The following ANKS1B variants were observed in gnomAD, a reference collection of about 807,000 sequenced individuals.
The protein encoded by ANKS1B is ankyrin repeat and sterile alpha motif domain-containing protein 1B.
Under a neutral mutation model 148.3 loss-of-function variants are expected in ANKS1B, and 36 were observed. That is an observed-to-expected ratio of 0.24 (90% CI 0.19 to 0.32). ANKS1B has a LOEUF of 0.32. ANKS1B is among the 10% of genes least tolerant of loss of function. ANKS1B has a pLI of 1.00. For synonymous variants in ANKS1B, 542 were observed against 560.8 expected, an observed-to-expected ratio of 0.97 and a Z score of 0.47; for missense variants, 1,157 against 1,542.6, an observed-to-expected ratio of 0.75 and a Z score of 4.19.
intron 8 of ANKS1B, among the ~76,000 whole-genome samples, chr12:99,684,306 A>G (rs536926176): frequency 6.6e-6 from 1 of 151,608 alleles, no homozygotes; most frequent in African/African-American, 2.4e-5. Context: ...TAGCACTGCT[A>G]TACACCAACA....
At chr12:99,383,773 G>GAGGC (rs2093739327) in intron 12 of ANKS1B, among the ~76,000 whole-genome samples, 1 of 150,408 alleles carries the variant, frequency 6.6e-6, no homozygotes, top group South Asian at 2.1e-4. Context: ...AGCACTTTGG[G>GAGGC]AGGCTGAGGC....
At chr12:99,955,549 TG>T (rs1365426425) in intron 1 of ANKS1B, among the ~76,000 whole-genome samples, 1 of 146,550 alleles carries the variant, frequency 6.8e-6, no homozygotes, top group Non-Finnish European at 1.5e-5. Flanking sequence ...TGTCTAACTT[TG>T]GAGTCTCAGC....
chr12:99,474,164 T>C (rs1012337280), intron 10 of ANKS1B, among the ~76,000 whole-genome samples: 3 of 152,086 alleles, frequency 2.0e-5, no homozygotes, highest in Non-Finnish European at 4.4e-5. Context: ...GATTAATCCA[T>C]ATATACTGTT....
chr12:99,824,749 A>G (rs2082956832), intron 2 of ANKS1B, among the ~76,000 whole-genome samples: 1 of 152,230 alleles, frequency 6.6e-6, no homozygotes, highest in Non-Finnish European at 1.5e-5. Context: ...TGCACTCTCC[A>G]TAACATATAC....
intron 17 of ANKS1B, among the ~76,000 whole-genome samples, chr12:99,008,668 T>C (rs370232368): frequency 1.4e-4 from 22 of 152,140 alleles, no homozygotes; most frequent in East Asian, 7.7e-4. Flanking sequence ...TTTAGGTAGA[T>C]ATGCTGAACT....
intron 25 of ANKS1B, among the ~76,000 whole-genome samples, chr12:98,765,478 A>G (rs7299294): frequency 0.72 from 109,761 of 151,592 alleles, 39,936 homozygotes; most frequent in Admixed American, 0.8. Context: ...TGGTCTGGCC[A>G]GTCTTGAACT....
chr12:99,116,157 T>C (rs1267621186), intron 15 of ANKS1B, among the ~76,000 whole-genome samples: 1 of 152,144 alleles, frequency 6.6e-6, no homozygotes, highest in East Asian at 1.9e-4. Context: ...ATCTGACACA[T>C]AGCAAGCACT....
At chr12:99,530,944 A>G (rs2096982602) in intron 9 of ANKS1B, among the ~76,000 whole-genome samples, 1 of 152,176 alleles carries the variant, frequency 6.6e-6, no homozygotes, top group South Asian at 2.1e-4. Context: ...CTCTCTTCCC[A>G]TATGCCTGAT....
chr12:99,578,314 C>T (rs2097538127), intron 9 of ANKS1B, among the ~76,000 whole-genome samples: 1 of 151,430 alleles, frequency 6.6e-6, no homozygotes, highest in East Asian at 1.9e-4. Context: ...ACTGCACACC[C>T]ACTAACCACT....
At chr12:99,148,902 A>T (rs2074056896) in intron 15 of ANKS1B, among the ~76,000 whole-genome samples, 1 of 152,084 alleles carries the variant, frequency 6.6e-6, no homozygotes. Flanking sequence ...TTAGAAAACT[A>T]TAGCTGTACT....
chr12:99,126,914 C>T (rs185046774), intron 15 of ANKS1B, among the ~76,000 whole-genome samples: 15 of 151,746 alleles, frequency 9.9e-5, no homozygotes, highest in African/African-American at 2.9e-4. Context: ...TACTGGTAAC[C>T]GATCAATTAA....
At chr12:99,808,027 G>A (rs566022945) in intron 3 of ANKS1B, among the ~76,000 whole-genome samples, 2 of 152,178 alleles carry the variant, frequency 1.3e-5, no homozygotes, top group South Asian at 2.1e-4. Flanking sequence ...TTTGCAAGCT[G>A]GATCTGACAA....
intron 1 of ANKS1B, among the ~76,000 whole-genome samples, chr12:99,871,876 T>C (rs1368612570): frequency 6.6e-6 from 1 of 152,172 alleles, no homozygotes; most frequent in Admixed American, 6.5e-5. Flanking sequence ...TTTGACTTCT[T>C]TTTTTCCTAT....
intron 1 of ANKS1B, among the ~76,000 whole-genome samples, chr12:99,827,365 GAAC>G (rs1192165661): frequency 6.6e-6 from 1 of 151,828 alleles, no homozygotes; most frequent in Non-Finnish European, 1.5e-5. Flanking sequence ...CAGAGATAGA[GAAC>G]AAAAGATTGG....
At chr12:99,532,338 G>GTTT (rs201016379) in intron 9 of ANKS1B, among the ~76,000 whole-genome samples, 2,837 of 152,082 alleles carry the variant, frequency 0.019, 87 homozygotes, top group South Asian at 0.065. Context: ...TACATTTAAG[G>GTTT]TTTTTTTGTT....
chr12:99,083,892 G>A (rs1288811838), intron 16 of ANKS1B: 1 of 152,032 alleles, frequency 6.6e-6, no homozygotes, highest in East Asian at 1.9e-4. Context: ...GTTCAGGTTG[G>A]TATGGCCATA....
At chr12:98,909,969 T>G (rs2099784551) in intron 17 of ANKS1B, among the ~76,000 whole-genome samples, 1 of 152,250 alleles carries the variant, frequency 6.6e-6, no homozygotes, top group Non-Finnish European at 1.5e-5. Context: ...AATGGGCTTC[T>G]GAGCATTCAT....
At chr12:99,263,350 G>A (rs7305880) in intron 12 of ANKS1B, among the ~76,000 whole-genome samples, 27,867 of 151,952 alleles carry the variant, frequency 0.18, 2,847 homozygotes, top group Non-Finnish European at 0.24. Flanking sequence ...CTATATTACT[G>A]TATATTTTAT....
intron 1 of ANKS1B, among the ~76,000 whole-genome samples, chr12:99,956,230 A>C (rs1414949071): frequency 6.6e-6 from 1 of 151,054 alleles, no homozygotes; most frequent in Non-Finnish European, 1.5e-5. Flanking sequence ...GTGAGCTGAG[A>C]TCATGCCATT....
Sources: allele counts gnomAD v4.1 joint callset (sites outside exome capture counted in the v4.1 genomes callset), GRCh38; gene constraint gnomAD v4.1.1; transcripts MANE v1.5; gene names NCBI Gene and HGNC (gene_info 2026-07-23, HGNC 2026-07-21).